The following CLOCK variants were observed in gnomAD, a reference collection of about 807,000 sequenced individuals.
CLOCK encodes circadian locomoter output cycles protein kaput.
A neutral mutation model predicts 118.4 loss-of-function variants in CLOCK; 43 were observed. That is an observed-to-expected ratio of 0.36 (90% CI 0.28 to 0.47). The LOEUF is 0.47. Ranked by LOEUF, CLOCK falls within the 20% of genes least tolerant of loss-of-function variation. The pLI, the probability that CLOCK is intolerant of heterozygous loss-of-function variation, is 1.00. For synonymous variants in CLOCK, 326 were observed against 339.2 expected (o/e 0.96, Z 0.43); for missense variants, 846 against 999.9 (o/e 0.85, Z 2.08).
chr4:55,442,699 G>T, intron 20 of CLOCK, 65 bp from the exon 21 acceptor site: 5 of 1,331,820 alleles, frequency 3.8e-6, no homozygotes, highest in Non-Finnish European at 5.3e-6. Flanking sequence ...AAGTATGCTA[G>T]AATTCATCAT....
At chr4:55,473,387 T>C (rs1577746036) in intron 7 of CLOCK, among the ~76,000 whole-genome samples, 1 of 152,224 alleles carries the variant, frequency 6.6e-6, no homozygotes, top group Non-Finnish European at 1.5e-5. Context: ...ATAAAAATTA[T>C]TCACTTATTT....
At chr4:55,513,356 TA>T (rs1729287201) in intron 1 of CLOCK, among the ~76,000 whole-genome samples, 1 of 152,166 alleles carries the variant, frequency 6.6e-6, no homozygotes, top group African/African-American at 2.4e-5. Context: ...TAAGTTTGTG[TA>T]AATATACTCT....
At chr4:55,517,967 TG>T (rs889056309) in intron 1 of CLOCK, among the ~76,000 whole-genome samples, 1 of 151,858 alleles carries the variant, frequency 6.6e-6, no homozygotes, top group Non-Finnish European at 1.5e-5. Flanking sequence ...TGAAACATGG[TG>T]GGGGGTGGGG....
chr4:55,528,777 T>C (rs925417443), intron 1 of CLOCK, among the ~76,000 whole-genome samples: 8 of 152,134 alleles, frequency 5.3e-5, no homozygotes, highest in Admixed American at 1.3e-4. Context: ...AAAAGTGAAA[T>C]ACTCTTTTTT....
intron 1 of CLOCK, among the ~76,000 whole-genome samples, chr4:55,515,003 C>G (rs1227286768): frequency 6.6e-6 from 1 of 152,122 alleles, no homozygotes; most frequent in Admixed American, 6.5e-5. Context: ...CACCAATGAA[C>G]CCATCTGGAC....
Position 55,509,940 on chromosome 4 carries a change from A to T in CLOCK, c.-164T>A, listed in dbSNP as rs1289179942. On this transcript the variant is annotated 5_prime_UTR_variant, in exon 2 of 23. Transcript: ENST00000513440. ...TGAGCTCAAAATGATGATTGAAGGT[A>T]TCTAGTGAGACTTGCCAAGTTCTAA... 6.6e-6 allele frequency: 1 copy of T among 152,200 alleles called. No homozygotes were observed. The highest frequency in any genetic ancestry group is 1.5e-5 in the Non-Finnish European group (1 of 68,038). The allele number at this position is 152,200 out of a possible 1,614,324, so 9.4% of individuals were successfully genotyped here. A position where few individuals can be genotyped will look rare whatever the true frequency, so the allele number is the denominator to read the frequency against.
At chr4:55,463,546 T>G in intron 9 of CLOCK, 139 bp downstream of exon 9, 1 of 616,556 alleles carries the variant, frequency 1.6e-6, no homozygotes, top group Middle Eastern at 4.8e-4. Flanking sequence ...TTTATATATA[T>G]TTTAATATTG....
At chr4:55,469,229 G>A (rs1049262051) in intron 8 of CLOCK, among the ~76,000 whole-genome samples, 4 of 151,678 alleles carry the variant, frequency 2.6e-5, no homozygotes, top group African/African-American at 7.3e-5. Context: ...AGGTTCAGGC[G>A]ATTCTACAGG....
intron 14 of CLOCK, 34 bp downstream of exon 14, chr4:55,453,643 C>T (rs774413025): frequency 2.7e-5 from 42 of 1,582,302 alleles, no homozygotes; most frequent in Non-Finnish European, 3.5e-5. Flanking sequence ...TAGGATGTTA[C>T]AGTAATTCAG....
At chr4:55,459,303 A>G (rs753958972) in intron 9 of CLOCK, 42 bp from the exon 10 acceptor site, 1 of 1,184,766 alleles carries the variant, frequency 8.4e-7, no homozygotes, top group South Asian at 1.2e-5. Context: ...TTTCTGATAT[A>G]AAACAATGAT....
intron 3 of CLOCK, among the ~76,000 whole-genome samples, chr4:55,485,540 C>T (rs1026791853): frequency 1.3e-5 from 2 of 152,148 alleles, no homozygotes. Flanking sequence ...CTTGTCCATG[C>T]TGTGGAGTCT....
intron 1 of CLOCK, among the ~76,000 whole-genome samples, chr4:55,526,776 G>A (rs1476039416): frequency 1.3e-5 from 2 of 151,908 alleles, no homozygotes; most frequent in African/African-American, 4.8e-5. Context: ...GTGAAACCCT[G>A]TCTCTACTAA....
chr4:55,456,001 G>A lies in CLOCK; in HGVS notation c.878C>T (p.Ala293Val). The part of the protein sequence containing the change: ...EWKFLFLDHR[A>V]PPIIGYLPFE... ...TGGCAAATACCCTATTATGGGTGGTGCCCTAAATTACACAGAAAACAATCA... is the reference window on the plus strand; with the variant it reads ...TGGCAAATACCCTATTATGGGTGGTACCCTAAATTACACAGAAAACAATCA... The change falls in exon 13 of 23, where the codon GCA becomes GTA. Residue 293 changes from alanine (A) to valine (V), a missense_variant and splice_region_variant. Transcript: ENST00000513440. The A allele has an allele frequency of 6.2e-7, 1 of 1,602,958 alleles. No individual in the cohort carries two copies. The highest frequency in any genetic ancestry group is 8.5e-7 in the Non-Finnish European group (1 of 1,171,402).
At chr4:55,539,803 T>C (rs1257943513) in intron 1 of CLOCK, among the ~76,000 whole-genome samples, 1 of 151,936 alleles carries the variant, frequency 6.6e-6, no homozygotes, top group Non-Finnish European at 1.5e-5. Context: ...AATAATCACA[T>C]AGCAGAAAAA....
In CLOCK at chr4:55,445,103, CTTTTAATATT is replaced by C. The variant is rs1173031445; in HGVS notation, c.1540-328_1540-319del. Among the ~76,000 whole-genome samples the C allele has an allele frequency of 2.2e-4, 29 of 132,098 alleles. 8 individuals carry two copies. Among genetic ancestry groups the C allele is most frequent in the South Asian group, 5.2e-4 (2 of 3,824 alleles). 86.7% of individuals were successfully genotyped at this position (132,098 alleles called of 152,430 possible). The stretch of plus-strand genomic sequence containing the variant: ...CTTATGTCAGGGTGCCAACGGGAAG[CTTTTAATATT>C]TTCTCAACCACGTTTAACATATGAT... On this transcript the variant is annotated intron_variant, in intron 18 of 22. Coordinates refer to ENST00000513440, the MANE Select transcript of CLOCK (RefSeq NM_004898.4).
intron 19 of CLOCK, 36 bp from the exon 20 acceptor site, chr4:55,443,932 T>C (rs369643806): frequency 5.7e-6 from 9 of 1,580,090 alleles, no homozygotes; most frequent in Non-Finnish European, 7.8e-6. Context: ...ATGAGCTTTG[T>C]AGATTGAAAA....
intron 1 of CLOCK, among the ~76,000 whole-genome samples, chr4:55,543,621 T>A (rs1444704583): frequency 6.6e-6 from 1 of 151,026 alleles, no homozygotes; most frequent in Non-Finnish European, 1.5e-5. Context: ...TAACTTTTTA[T>A]GAGCATCAAT....
chr4:55,449,458 G>A lies in CLOCK; in HGVS notation c.1387C>T (p.Pro463Ser). The part of the protein sequence containing the change: ...TKIPTDTSTP[P>S]RQHLPAHEKM... ...TCATGAGCTGGTAAATGCTGCCTGG[G>A]TGGAGTGCTCGTATCCGTCGGGATC... is the stretch of plus-strand genomic sequence containing the variant. The change falls in exon 17 of 23, where the codon CCC becomes TCC. Residue 463 changes from proline to serine, a missense_variant. Pro to Ser is a moderately conservative substitution (Grantham distance 74). Around this residue, in one of 4 missense-constraint regions of CLOCK, gnomAD observed 520 missense variants for 558.0 expected, o/e 0.93. Coordinates refer to ENST00000513440, the MANE Select transcript of CLOCK (RefSeq NM_004898.4). 1.9e-6 allele frequency: 3 copies of A among 1,613,988 alleles called. No homozygotes were observed. Among genetic ancestry groups the A allele is most frequent in the East Asian group, 2.2e-5 (1 of 44,828 alleles).
In CLOCK at chr4:55,450,714, A is replaced by C. The variant is rs1035881354; in HGVS notation, c.1207-482T>G. Among the ~76,000 whole-genome samples the C allele has an allele frequency of 5.9e-5, 9 of 152,182 alleles. No individual in the cohort carries two copies. In the East Asian group the frequency reaches 7.7e-4, roughly 13 times the overall value. The stretch of plus-strand genomic sequence containing the variant: ...AACTGAGGAGGCGGAGGATGTAGTG[A>C]GCCGAGATCCTGCCACTGCATTCCA... On this transcript the variant is annotated intron_variant, in intron 15 of 22. Coordinates refer to ENST00000513440, the MANE Select transcript of CLOCK (RefSeq NM_004898.4).
Sources: gnomAD v4.1 joint callset for allele counts (sites outside exome capture counted in the v4.1 genomes callset) on GRCh38, gnomAD v4.1.1 for gene constraint, gnomAD v4.1.1 regional missense constraint, MANE v1.5 for transcripts, NCBI Gene and HGNC (gene_info 2026-07-23, HGNC 2026-07-21) for gene names.